Variants in TPM2 observed in about 807,000 individuals in gnomAD.
The protein encoded by TPM2 is tropomyosin 2.
TPM2 carries 26 observed loss-of-function variants against 41.0 expected under a neutral mutation model. That is an observed-to-expected ratio of 0.63 (90% CI 0.46 to 0.88). The LOEUF is 0.88. TPM2 is among the 40% of genes least tolerant of loss of function. The pLI is 0.00. For missense variants in TPM2, 187 were observed against 355.2 expected, an observed-to-expected ratio of 0.53 and a Z score of 3.81; for synonymous variants, 143 against 139.3, an observed-to-expected ratio of 1.03 and a Z score of -0.19.
At position 35,684,782 on chromosome 9, in the gene TPM2, GCTC is replaced by G; in HGVS notation, c.586_588del (p.Glu196del). ...TTCAAGTTGTTGGTAACAATTTTCA[GCTC>G]CTCCTCTAGGTCCCCACATTTACTG... On this transcript the variant is annotated inframe_deletion, in exon 6 of 9. Coordinates refer to ENST00000645482, the MANE Select transcript of TPM2 (RefSeq NM_003289.4). 1 of 1,613,364 alleles carries G rather than the reference GCTC, an allele frequency of 6.2e-7. No individual in the cohort carries two copies. Among genetic ancestry groups the G allele is most frequent in the Non-Finnish European group, 8.5e-7 (1 of 1,179,918 alleles).
chr9:35,683,948 A>C, intron 8 of TPM2: 1 of 423,832 alleles, frequency 2.4e-6, no homozygotes, highest in Non-Finnish European at 4.4e-6. Flanking sequence ...AACTAGCTAG[A>C]AATGTAAATC....
intron 5 of TPM2, 87 bp from the exon 6 acceptor site, chr9:35,684,894 GGA>G: frequency 6.2e-7 from 1 of 1,612,526 alleles, no homozygotes; most frequent in East Asian, 2.2e-5. Context: ...GACGGGTGGA[GGA>G]GAGAAGAGAA....
At chr9:35,686,812 G>T (rs932871241) in intron 2 of TPM2, among the ~76,000 whole-genome samples, 10 of 152,258 alleles carry the variant, frequency 6.6e-5, no homozygotes, top group South Asian at 4.1e-4. Flanking sequence ...GCAGTGTGAG[G>T]GATGTCTACT....
downstream of TPM2, chr9:35,682,596 A>C: frequency 8.0e-7 from 1 of 1,256,678 alleles, no homozygotes; most frequent in South Asian, 1.4e-5. Context: ...ACCTTTTGCA[A>C]CCTTCTTGCC....
intron 8 of TPM2, 95 bp from the exon 9 acceptor site, chr9:35,683,336 C>T (rs1824688892): frequency 8.0e-7 from 1 of 1,247,530 alleles, no homozygotes; most frequent in Non-Finnish European, 1.1e-6. Context: ...GAAAGAAAAA[C>T]AGAATCAGAG....
intron 2 of TPM2, chr9:35,686,562 T>C (rs1435097112): frequency 6.8e-6 from 1 of 146,036 alleles, no homozygotes; most frequent in African/African-American, 2.6e-5. Context: ...TCATCCCAGC[T>C]ACTCCGAAGG....
rs1824660850 is a variant in TPM2, at chr9:35,682,989, A to C, written c.*170T>G. On this transcript the variant is annotated 3_prime_UTR_variant, in exon 9 of 9. Coordinates refer to ENST00000645482, the MANE Select transcript of TPM2 (RefSeq NM_003289.4). ...GGTGGAAGGGGATAGGTAAAGGATG[A>C]AGCCAGTGCCAGAGTGGGTGGTGGG... The C allele has an allele frequency of 1.3e-6, 2 of 1,534,122 alleles. No individual in the cohort carries two copies. Among genetic ancestry groups the C allele is most frequent in the Non-Finnish European group, 1.8e-6 (2 of 1,137,694 alleles).
chr9:35,683,249 G>GGT lies in TPM2; in HGVS notation c.773-9_773-8insAC, dbSNP rs1554658503. 23 of 1,552,500 alleles carry GGT rather than the reference G, an allele frequency of 1.5e-5. No homozygotes were observed. Among genetic ancestry groups the GGT allele is most frequent in the Non-Finnish European group, 2.0e-5 (23 of 1,146,646 alleles). On this transcript the variant is annotated splice_polypyrimidine_tract_variant and intron_variant, in intron 8 of 8. Coordinates refer to ENST00000645482, the MANE Select transcript of TPM2 (RefSeq NM_003289.4). ...TCTGGGCATAGACTTCATCTGGGGG[G>GGT]GGTCCAGGGAGGGGACCAGGTGGGA...
At chr9:35,689,094 G>A (rs969135546) in intron 2 of TPM2, 52 bp downstream of exon 2, 7 of 1,609,884 alleles carry the variant, frequency 4.3e-6, no homozygotes, top group Admixed American at 3.3e-5. Context: ...TACCCGGGGG[G>A]CCCCTTCCCA....
downstream of TPM2, chr9:35,682,712 G>A (rs770598127): frequency 9.1e-6 from 12 of 1,314,506 alleles, no homozygotes; most frequent in Middle Eastern, 2.2e-4. Context: ...AGGCGGTCAT[G>A]GTTTGATGGG....
At chr9:35,682,179 G>A, downstream of TPM2, 2 of 1,613,932 alleles carry the variant, frequency 1.2e-6, no homozygotes, top group African/African-American at 1.3e-5. Flanking sequence ...AGGGGAAGCA[G>A]CAGGTGAGGG....
intron 6 of TPM2, 35 bp downstream of exon 6, chr9:35,684,697 G>A: frequency 6.2e-7 from 1 of 1,614,012 alleles, no homozygotes; most frequent in Non-Finnish European, 8.5e-7. Context: ...TCCCCTGTGG[G>A]ACCCCATCCT....
chr9:35,684,889 G>A, intron 5 of TPM2, 82 bp from the exon 6 acceptor site: 1 of 1,613,060 alleles, frequency 6.2e-7, no homozygotes, highest in African/African-American at 1.3e-5. Context: ...CAGGGGACGG[G>A]TGGAGGAGAG....
Position 35,684,263 on chromosome 9 carries a change from G to A in TPM2, c.755C>T (p.Thr252Ile), listed in dbSNP as rs773153723. ...AERSVAKLEK[T>I]IDDLEDEVYA... ...TCTTTTACCTTCTAGGTCATCGATG[G>A]TTTTCTCCAACTTTGCCACAGACCT... The change falls in exon 8 of 9, where the codon ACC becomes ATC. Residue 252 changes from threonine (T) to isoleucine (I), a missense_variant. By Grantham distance (89) the Thr-to-Ile change is moderately conservative (BLOSUM62 -1). Coordinates refer to ENST00000645482, the MANE Select transcript of TPM2 (RefSeq NM_003289.4). The A allele has an allele frequency of 3.7e-6, 6 of 1,614,158 alleles. No homozygotes were observed. Among genetic ancestry groups the A allele is most frequent in the South Asian group, 2.2e-5 (2 of 91,080 alleles).
intron 1 of TPM2, 54 bp downstream of exon 1, chr9:35,689,649 GC>G (rs1226816264): frequency 6.2e-7 from 1 of 1,604,460 alleles, no homozygotes. Flanking sequence ...CATGGCAGCG[GC>G]CCACCCTTGC....
chr9:35,684,107 G>T, intron 8 of TPM2, 139 bp downstream of exon 8: 2 of 800,914 alleles, frequency 2.5e-6, no homozygotes, highest in Non-Finnish European at 4.4e-6. Context: ...TGTAGACATG[G>T]CCCACAGAGT....
rs766555799 is a variant in TPM2 at position 35,689,832 on chromosome 9, G to A, written c.-15C>T. The A allele has an allele frequency of 2.5e-6, 4 of 1,613,478 alleles. No individual in the cohort carries two copies. Among genetic ancestry groups the A allele is most frequent in the South Asian group, 1.1e-5 (1 of 91,084 alleles). On this transcript the variant is annotated 5_prime_UTR_variant, in exon 1 of 9. Transcript: ENST00000645482. Reference sequence around the variant, plus strand: ...ATGGCGTCCATGGCTGCGGTGGGGGGTGGGCCGGCCGGCAGGCGGTGAGGA... The same window carrying A: ...ATGGCGTCCATGGCTGCGGTGGGGGATGGGCCGGCCGGCAGGCGGTGAGGA...
At chr9:35,682,857 G>A (rs1204129310), downstream of TPM2, 3 of 1,439,046 alleles carry the variant, frequency 2.1e-6, no homozygotes, top group South Asian at 2.5e-5. Context: ...GTAAGTGCCA[G>A]GGTGTCAGGA....
Position 35,685,601 on chromosome 9 carries a change from G to C in TPM2, c.374+46C>G, listed in dbSNP as rs372356804. 1 of 1,614,106 alleles carries C rather than the reference G, an allele frequency of 6.2e-7. No individual in the cohort carries two copies. The highest frequency in any genetic ancestry group is 8.5e-7 in the Non-Finnish European group (1 of 1,180,006). On this transcript the variant is annotated intron_variant, in intron 3 of 8. Coordinates refer to ENST00000645482, the MANE Select transcript of TPM2 (RefSeq NM_003289.4). This position sits in a 1 kb window ranked among gnomAD's most constrained non-coding sequence, Gnocchi z 5.0. Reference sequence around the variant, plus strand: ...GTAGGGTCAGGACCAGCAGAGACAGGCTCCCTTCTCCCTCCCGGACCATCC... The same window carrying C: ...GTAGGGTCAGGACCAGCAGAGACAGCCTCCCTTCTCCCTCCCGGACCATCC...
Sources: gnomAD v4.1 joint callset for allele counts (sites outside exome capture counted in the v4.1 genomes callset) on GRCh38, gnomAD v4.1.1 for gene constraint, Gnocchi (gnomAD v3.1) non-coding constraint, MANE v1.5 for transcripts, NCBI Gene and HGNC (gene_info 2026-07-23, HGNC 2026-07-21) for gene names.